BLTP3A: variants seen among roughly 807,000 people sequenced by gnomAD.
BLTP3A encodes the protein ICBP90 binding protein 1.
chr6:34,867,097 A>G, the BLTP3A span: 1 of 1,057,660 alleles, frequency 9.5e-7, no homozygotes, highest in Non-Finnish European at 1.3e-6. Context: ...GTTAGTCCTC[A>G]AATTTCTAGT....
chr6:34,821,441 T>A, the BLTP3A span: 8 of 405,016 alleles, frequency 2.0e-5, no homozygotes, highest in Non-Finnish European at 3.1e-5. Flanking sequence ...AGTGCATTTG[T>A]TCTGGCTGGT....
the BLTP3A span, among the ~76,000 whole-genome samples, chr6:34,827,620 TTTTG>T: frequency 3.6e-3 from 555 of 152,262 alleles, 2 homozygotes; most frequent in Non-Finnish European, 5.3e-3. Flanking sequence ...AAAATACTGT[TTTTG>T]TTTGTTTGTT....
the BLTP3A span, among the ~76,000 whole-genome samples, chr6:34,868,803 A>C: frequency 3.3e-5 from 5 of 151,496 alleles, no homozygotes; most frequent in Admixed American, 6.6e-5. Context: ...AGGTGAGTGG[A>C]TCATGTGAGT....
At chr6:34,840,707 C>A in the BLTP3A span, among the ~76,000 whole-genome samples, 30 of 151,686 alleles carry the variant, frequency 2.0e-4, no homozygotes, top group Non-Finnish European at 4.4e-4. Context: ...GCTCTGCCTC[C>A]CGGGTTCATG....
chr6:34,792,246 C>T, the BLTP3A span: 1 of 1,537,218 alleles, frequency 6.5e-7, no homozygotes, highest in South Asian at 1.2e-5. Context: ...GGCCGCGGCT[C>T]CGGCATGGCC....
the BLTP3A span, among the ~76,000 whole-genome samples, chr6:34,817,396 T>G: frequency 6.6e-6 from 1 of 152,360 alleles, no homozygotes; most frequent in South Asian, 2.1e-4. Context: ...TTAAAGTGAA[T>G]TAAAATCAGT....
the BLTP3A span, among the ~76,000 whole-genome samples, chr6:34,815,334 C>T: frequency 4.1e-4 from 62 of 152,196 alleles, 1 homozygote; most frequent in Non-Finnish European, 5.9e-4. Flanking sequence ...ATTGCAACCT[C>T]TGCCTTCCGG....
At chr6:34,808,204 G>A in the BLTP3A span, among the ~76,000 whole-genome samples, 1 of 151,722 alleles carries the variant, frequency 6.6e-6, no homozygotes, top group South Asian at 2.1e-4. Flanking sequence ...TTAGCTGGGC[G>A]TGGTGGCGGG....
At chr6:34,858,415 C>A in the BLTP3A span, 1 of 1,614,174 alleles carries the variant, frequency 6.2e-7, no homozygotes, top group Admixed American at 1.7e-5. Flanking sequence ...TCCCCAGAGA[C>A]CTAAGGCTTC....
At chr6:34,800,784 G>C in the BLTP3A span, among the ~76,000 whole-genome samples, 3 of 152,120 alleles carry the variant, frequency 2.0e-5, no homozygotes, top group African/African-American at 7.2e-5. Context: ...TATTTATATA[G>C]TGGTGTGATC....
the BLTP3A span, chr6:34,858,864 G>A: frequency 6.2e-7 from 1 of 1,614,166 alleles, no homozygotes; most frequent in South Asian, 1.1e-5. Context: ...ACCAGTACTT[G>A]GCTCTGCTTC....
At chr6:34,812,078 C>G in the BLTP3A span, among the ~76,000 whole-genome samples, 3 of 151,804 alleles carry the variant, frequency 2.0e-5, no homozygotes, top group Non-Finnish European at 2.9e-5. Flanking sequence ...CCTGTAATTC[C>G]AGCACTTTGG....
the BLTP3A span, among the ~76,000 whole-genome samples, chr6:34,799,184 C>A: frequency 6.6e-6 from 1 of 152,122 alleles, no homozygotes; most frequent in East Asian, 1.9e-4. Context: ...TCAAGTGATC[C>A]GCCCACCTCA....
chr6:34,855,665 G>T, the BLTP3A span: 5 of 1,613,620 alleles, frequency 3.1e-6, no homozygotes, highest in South Asian at 2.2e-5. Context: ...CTTACCTTCC[G>T]CAAGATGGCG....
At chr6:34,829,020 T>C in the BLTP3A span, among the ~76,000 whole-genome samples, 1 of 49,392 alleles carries the variant, frequency 2.0e-5, no homozygotes, top group Non-Finnish European at 3.2e-5. Context: ...AGAGTGAAAC[T>C]CCATCTCAAA....
chr6:34,859,566 AGCCAAGTAAGTG>A, the BLTP3A span: 1 of 1,613,664 alleles, frequency 6.2e-7, no homozygotes, highest in Non-Finnish European at 8.5e-7. Context: ...CCCTGCCCCC[AGCCAAGTAAGTG>A]GCTCTGTACC....
the BLTP3A span, chr6:34,834,890 CT>C: frequency 1.2e-6 from 2 of 1,602,086 alleles, no homozygotes; most frequent in Non-Finnish European, 1.7e-6. Flanking sequence ...CTCATGAAAA[CT>C]TCCATCTCTT....
At chr6:34,876,829 C>T in the BLTP3A span, 1 of 152,254 alleles carries the variant, frequency 6.6e-6, no homozygotes, top group East Asian at 1.9e-4. Flanking sequence ...ATTATTTTCC[C>T]CATGGCACAA....
the BLTP3A span, among the ~76,000 whole-genome samples, chr6:34,829,069 A>G: frequency 2.6e-5 from 4 of 151,592 alleles, no homozygotes; most frequent in African/African-American, 9.7e-5. Context: ...AAACCAAAGA[A>G]GCCAAGCCAG....
Sources: allele counts gnomAD v4.1 joint callset (sites outside exome capture counted in the v4.1 genomes callset), GRCh38; gene constraint gnomAD v4.1.1; transcripts MANE v1.5; gene names NCBI Gene and HGNC (gene_info 2026-07-23, HGNC 2026-07-21).